The following HK2 variants were observed in gnomAD, a reference collection of about 807,000 sequenced individuals.
The protein encoded by HK2 is hexokinase-2.
Under a neutral mutation model 92.9 loss-of-function variants are expected in HK2, and 42 were observed. That is an observed-to-expected ratio of 0.45 (90% CI 0.35 to 0.58). HK2 has a LOEUF of 0.58. Ranked by LOEUF, HK2 falls within the 20% of genes least tolerant of loss-of-function variation. HK2 has a pLI of 0.00. For synonymous variants in HK2, 422 were observed against 468.0 expected, an observed-to-expected ratio of 0.90 and a Z score of 1.27; for missense variants, 978 against 1,245.1, an observed-to-expected ratio of 0.79 and a Z score of 3.23.
At chr2:74,886,747 TG>T in intron 15 of HK2, 74 bp downstream of exon 15, 1 of 1,479,304 alleles carries the variant, frequency 6.8e-7, no homozygotes, top group Non-Finnish European at 9.4e-7. Context: ...GCTTCCACAA[TG>T]GCATCTCCCA....
intron 2 of HK2, 93 bp downstream of exon 2, chr2:74,854,548 G>T (rs1192825747): frequency 7.3e-7 from 1 of 1,369,788 alleles, no homozygotes; most frequent in East Asian, 2.3e-5. Context: ...AAAAGCCTCA[G>T]AAACCAACCC....
chr2:74,867,972 A>G (rs757353893), intron 3 of HK2, 188 bp downstream of exon 3: 2 of 664,494 alleles, frequency 3.0e-6, no homozygotes, highest in Middle Eastern at 3.5e-4. Context: ...TTTATACCCA[A>G]CATGTACTCA....
chr2:74,834,874 C>T lies in HK2; in HGVS notation c.63+231C>T, dbSNP rs1158257447. Reference sequence around the variant, plus strand: ...GGTCGCGCTCCGCCGGGCGCCCTCCCTCCCTGAGCTCCGGCACGCGCTCAC... The same window carrying T: ...GGTCGCGCTCCGCCGGGCGCCCTCCTTCCCTGAGCTCCGGCACGCGCTCAC... On this transcript the variant is annotated intron_variant, in intron 1 of 17. Coordinates refer to ENST00000290573, the MANE Select transcript of HK2 (RefSeq NM_000189.5). The surrounding 1 kb of genome is among the most constrained non-coding windows in gnomAD (Gnocchi z 4.2). Among the ~76,000 whole-genome samples, 2 of 152,224 alleles carry T rather than the reference C, an allele frequency of 1.3e-5. No individual in the cohort carries two copies. Among genetic ancestry groups the T allele is most frequent in the Non-Finnish European group, 2.9e-5 (2 of 68,028 alleles).
In HK2 at chr2:74,892,963, C is replaced by T. The variant is rs1023508072; in HGVS notation, c.*2022C>T. The T allele has an allele frequency of 2.0e-5, 3 of 151,670 alleles. No homozygotes were observed. Among genetic ancestry groups the T allele is most frequent in the African/African-American group, 7.3e-5 (3 of 41,268 alleles). 9.4% of individuals were successfully genotyped at this position (151,670 alleles called of 1,614,324 possible). On this transcript the variant is annotated 3_prime_UTR_variant, in exon 18 of 18. Coordinates refer to ENST00000290573, the MANE Select transcript of HK2 (RefSeq NM_000189.5). ...TAGATTTTAGTTCACTAAAGGGTGC[C>T]CACAAAATAGAGATTAATTTTAACT...
At chr2:74,844,317 A>G (rs1414349185) in intron 1 of HK2, among the ~76,000 whole-genome samples, 4 of 152,210 alleles carry the variant, frequency 2.6e-5, no homozygotes, top group African/African-American at 9.7e-5. Context: ...TTTTTAAAAC[A>G]CAGTTTGTGC....
chr2:74,874,309 C>T lies in HK2; in HGVS notation c.735C>T (p.Ile245=), dbSNP rs373457354. 15 of 1,614,010 alleles carry T rather than the reference C, an allele frequency of 9.3e-6. No individual in the cohort carries two copies. Among genetic ancestry groups the T allele is most frequent in the South Asian group, 5.5e-5 (5 of 91,074 alleles). Residue 245 remains isoleucine, a synonymous_variant, in exon 7 of 18, where the codon ATC becomes ATT. Coordinates refer to ENST00000290573, the MANE Select transcript of HK2 (RefSeq NM_000189.5). ...NACYMEEMRH[I]DMVEGDEGRM... ...GCTACATGGAAGAGATGCGCCACAT[C>T]GACATGGTGGAAGGCGATGAGGGGC...
intron 12 of HK2, among the ~76,000 whole-genome samples, chr2:74,884,625 A>C (rs1313113738): frequency 6.6e-6 from 1 of 152,200 alleles, no homozygotes; most frequent in Admixed American, 6.5e-5. Context: ...ATGAAATGCC[A>C]AGCTGATGGG....
chr2:74,836,916 G>T (rs899041319), intron 1 of HK2, among the ~76,000 whole-genome samples: 1 of 152,192 alleles, frequency 6.6e-6, no homozygotes, highest in Non-Finnish European at 1.5e-5. Context: ...ATTCTGGGTT[G>T]TAGTCTGAGG....
intron 2 of HK2, among the ~76,000 whole-genome samples, chr2:74,859,011 T>C (rs938010995): frequency 1.3e-5 from 2 of 152,244 alleles, no homozygotes; most frequent in Non-Finnish European, 1.5e-5. Flanking sequence ...GGTCCAGGAA[T>C]GTCTTACTCA....
intron 3 of HK2, among the ~76,000 whole-genome samples, chr2:74,869,860 G>A (rs1183154675): frequency 6.6e-6 from 1 of 152,174 alleles, no homozygotes. Flanking sequence ...GCCCTAGCCA[G>A]TGGAACTTCT....
intron 2 of HK2, among the ~76,000 whole-genome samples, chr2:74,856,307 T>A (rs570548786): frequency 2.0e-5 from 3 of 152,282 alleles, no homozygotes; most frequent in African/African-American, 7.2e-5. Context: ...AGTAAGTGTT[T>A]GCTGAAGCCT....
chr2:74,868,152 A>T (rs990905519), intron 3 of HK2, among the ~76,000 whole-genome samples: 1 of 152,176 alleles, frequency 6.6e-6, no homozygotes, highest in African/African-American at 2.4e-5. Flanking sequence ...TCTGACCATG[A>T]GTAGAACACG....
intron 4 of HK2, among the ~76,000 whole-genome samples, chr2:74,873,002 A>G (rs936569274): frequency 6.6e-6 from 1 of 152,266 alleles, no homozygotes; most frequent in Non-Finnish European, 1.5e-5. Context: ...TAACTAGGCA[A>G]TAGGAACTTT....
chr2:74,842,806 G>C (rs1004347417), intron 1 of HK2, among the ~76,000 whole-genome samples: 3 of 152,202 alleles, frequency 2.0e-5, no homozygotes, highest in Non-Finnish European at 4.4e-5. Context: ...CGAGGTCTCT[G>C]GGATGCCTGG....
chr2:74,846,226 C>G (rs1688430927), intron 1 of HK2, among the ~76,000 whole-genome samples: 2 of 152,246 alleles, frequency 1.3e-5, no homozygotes, highest in Admixed American at 1.3e-4. Context: ...TGATGGATCT[C>G]TCTTTGTTTG....
rs555355655 is a variant in HK2 at position 74,836,575 on chromosome 2, C to G, written c.63+1932C>G. On this transcript the variant is annotated intron_variant, in intron 1 of 17. Transcript: ENST00000290573. ...CTGTAGGTTTTCTCTACCCTTGCAGCCACCTGTCAGTTTGAGAAGTGTCCC... is the reference window on the plus strand; with the variant it reads ...CTGTAGGTTTTCTCTACCCTTGCAGGCACCTGTCAGTTTGAGAAGTGTCCC... 1.2e-3 allele frequency among the ~76,000 whole-genome samples: 180 copies of G among 152,302 alleles called. 3 individuals are homozygous for G. In the Middle Eastern group the frequency reaches 0.02, roughly 17 times the overall value.
At chr2:74,887,437 G>A (rs2901627) in intron 15 of HK2, among the ~76,000 whole-genome samples, 1 of 102,966 alleles carries the variant, frequency 9.7e-6, no homozygotes, top group Non-Finnish European at 2.2e-5. Flanking sequence ...GGCCAGGATG[G>A]GGGCCCTACA....
At chr2:74,864,387 G>A (rs1029241307) in intron 2 of HK2, among the ~76,000 whole-genome samples, 1 of 152,182 alleles carries the variant, frequency 6.6e-6, no homozygotes, top group South Asian at 2.1e-4. Context: ...CTGCCTTACT[G>A]GACACCAGAG....
intron 1 of HK2, among the ~76,000 whole-genome samples, chr2:74,840,441 T>C (rs533952752): frequency 6.6e-6 from 1 of 152,224 alleles, no homozygotes; most frequent in East Asian, 1.9e-4. Flanking sequence ...ACTGGCTTCC[T>C]TTGTTCAGAT....
Sources: allele counts gnomAD v4.1 joint callset (sites outside exome capture counted in the v4.1 genomes callset), GRCh38; gene constraint gnomAD v4.1.1; non-coding constraint Gnocchi (gnomAD v3.1); transcripts MANE v1.5; gene names NCBI Gene and HGNC (gene_info 2026-07-23, HGNC 2026-07-21).